KLHL5: variants seen among roughly 807,000 people sequenced by gnomAD.
KLHL5 encodes the protein kelch-like protein 5.
In KLHL5, 48 loss-of-function variants were observed where a neutral mutation model predicts 77.7. The observed-to-expected ratio is 0.62, with a 90% CI of 0.49 to 0.79. KLHL5 has a LOEUF of 0.79. Ranked by LOEUF, KLHL5 falls within the 30% of genes least tolerant of loss-of-function variation. The pLI is 0.00. For missense variants in KLHL5, 723 were observed against 859.7 expected (o/e 0.84, Z 1.99); for synonymous variants, 260 against 297.0 (o/e 0.88, Z 1.28).
At chr4:39,111,885 G>T (rs1422917549) in intron 8 of KLHL5, among the ~76,000 whole-genome samples, 2 of 152,104 alleles carry the variant, frequency 1.3e-5, no homozygotes, top group Non-Finnish European at 2.9e-5. Context: ...TAGGAAATCT[G>T]TGGTTAAGTA....
intron 1 of KLHL5, among the ~76,000 whole-genome samples, chr4:39,068,437 C>CTG (rs71192818): frequency 0.01 from 1,517 of 147,710 alleles, 10 homozygotes; most frequent in African/African-American, 0.016. Flanking sequence ...CCAGAAAACA[C>CTG]TGTGTGTGTG....
At chr4:39,115,128 TGTC>T in intron 9 of KLHL5, 28 bp from the exon 10 acceptor site, 1 of 1,582,716 alleles carries the variant, frequency 6.3e-7, no homozygotes, top group Non-Finnish European at 8.6e-7. Flanking sequence ...TTAAGAATAA[TGTC>T]AGCTCCGGTT....
At chr4:39,059,307 A>G (rs1022932963), upstream of KLHL5, among the ~76,000 whole-genome samples, 6 of 152,298 alleles carry the variant, frequency 3.9e-5, no homozygotes, top group Non-Finnish European at 1.5e-5. Flanking sequence ...TAATAGAAAA[A>G]AAAAGGGGCC....
At chr4:39,051,615 A>G (rs1237766498) in intron 1 of KLHL5, among the ~76,000 whole-genome samples, 1 of 152,214 alleles carries the variant, frequency 6.6e-6, no homozygotes, top group Non-Finnish European at 1.5e-5. Context: ...TGATTTTCAC[A>G]GCAGTCCACG....
chr4:39,074,387 T>G (rs1397844852), intron 1 of KLHL5, among the ~76,000 whole-genome samples: 1 of 152,208 alleles, frequency 6.6e-6, no homozygotes, highest in African/African-American at 2.4e-5. Context: ...GAGTTATCTT[T>G]TATGTATTTT....
At chr4:39,060,216 A>G (rs1577639205), upstream of KLHL5, among the ~76,000 whole-genome samples, 1 of 152,210 alleles carries the variant, frequency 6.6e-6, no homozygotes, top group African/African-American at 2.4e-5. Context: ...ACAATAGCAA[A>G]TCTCTTATAT....
chr4:39,121,158 C>A lies in KLHL5; in HGVS notation c.*92C>A. ...AATGGATACATTTTTAGTAAATGTG[C>A]ATTGTCACAATCCTGGGCACAAAGT... is the stretch of plus-strand genomic sequence containing the variant. On this transcript the variant is annotated 3_prime_UTR_variant, in exon 11 of 11. Coordinates refer to ENST00000504108, the MANE Select transcript of KLHL5 (RefSeq NM_015990.5). 2.0e-6 allele frequency: 2 copies of A among 996,166 alleles called. No individual in the cohort carries two copies. Among genetic ancestry groups the A allele is most frequent in the Non-Finnish European group, 3.1e-6 (2 of 636,160 alleles). 61.7% of individuals were successfully genotyped at this position (996,166 alleles called of 1,614,324 possible).
intron 1 of KLHL5, among the ~76,000 whole-genome samples, chr4:39,074,239 G>A (rs1295573334): frequency 1.3e-5 from 2 of 152,036 alleles, no homozygotes; most frequent in African/African-American, 4.8e-5. Flanking sequence ...TCCTCCAAGG[G>A]CATTTATCTG....
At chr4:39,076,284 G>A (rs2252519) in intron 2 of KLHL5, 137 bp downstream of exon 2, 527,067 of 699,414 alleles carry the variant, frequency 0.75, 199,107 homozygotes, top group East Asian at 0.82. Flanking sequence ...TCAAGAAAAC[G>A]GTGCATATGA....
At chr4:39,105,943 T>C (rs1173590160) in intron 7 of KLHL5, among the ~76,000 whole-genome samples, 1 of 152,094 alleles carries the variant, frequency 6.6e-6, no homozygotes, top group Non-Finnish European at 1.5e-5. Flanking sequence ...CCAAGTGACA[T>C]ATTTTATCTC....
chr4:39,081,343 C>T lies in KLHL5; in HGVS notation c.703+104C>T. On this transcript the variant is annotated intron_variant, in intron 3 of 10. Transcript: ENST00000504108. The surrounding 1 kb of genome is among the most constrained non-coding windows in gnomAD (Gnocchi z 4.3). ...AGCATGCCATAGCTAACAGTTAGTT[C>T]TGCTATTGTCATTACTACCCTTTGT... The T allele has an allele frequency of 2.2e-6, 2 of 927,824 alleles. No homozygotes were observed. The highest frequency in any genetic ancestry group is 2.2e-5 in the South Asian group (1 of 45,162). The allele number at this position is 927,824 out of a possible 1,614,324, so 57.5% of individuals were successfully genotyped here.
intron 1 of KLHL5, among the ~76,000 whole-genome samples, chr4:39,050,404 C>CAG (rs1238187358): frequency 6.6e-6 from 1 of 152,166 alleles, no homozygotes; most frequent in Admixed American, 6.5e-5. Flanking sequence ...GCAACTGGCA[C>CAG]CAATAACAGA....
At chr4:39,139,918 A>G in the KLHL5 span, among the ~76,000 whole-genome samples, 2 of 152,144 alleles carry the variant, frequency 1.3e-5, no homozygotes, top group East Asian at 1.9e-4. Context: ...GAGTAACTGT[A>G]CTAGATCAAA....
chr4:39,079,717 G>A (rs993219696), intron 2 of KLHL5, among the ~76,000 whole-genome samples: 4 of 151,958 alleles, frequency 2.6e-5, no homozygotes, highest in African/African-American at 9.7e-5. Flanking sequence ...CCCTCTAAAT[G>A]TAAGACTCCA....
rs752623684 is a variant in KLHL5, at chr4:39,123,568, G to T, written c.*2502G>T. Among the ~76,000 whole-genome samples, 1 of 152,060 alleles carries T rather than the reference G, an allele frequency of 6.6e-6. No individual in the cohort carries two copies. The highest frequency in any genetic ancestry group is 1.5e-5 in the Non-Finnish European group (1 of 68,002). ...ATGGTTCTACATACAAATGTCAATCGATGTAATAATATACCATATTAATAG... is the reference window on the plus strand; with the variant it reads ...ATGGTTCTACATACAAATGTCAATCTATGTAATAATATACCATATTAATAG... On this transcript the variant is annotated 3_prime_UTR_variant, in exon 11 of 11. Transcript: ENST00000504108.
chr4:39,084,690 G>A (rs181310567), intron 4 of KLHL5, among the ~76,000 whole-genome samples: 14 of 152,200 alleles, frequency 9.2e-5, no homozygotes, highest in East Asian at 1.9e-4. Context: ...GCATATTTAC[G>A]TGATAGTCCT....
chr4:39,112,131 C>A (rs1340117265), intron 8 of KLHL5, among the ~76,000 whole-genome samples: 1 of 152,000 alleles, frequency 6.6e-6, no homozygotes, highest in Non-Finnish European at 1.5e-5. Flanking sequence ...AAGATTTTTG[C>A]TTAACAAGAA....
Position 39,123,820 on chromosome 4 carries a change from C to T in KLHL5, c.*2754C>T, listed in dbSNP as rs1248331706. Among the ~76,000 whole-genome samples the T allele has an allele frequency of 2.0e-5, 3 of 151,988 alleles. No homozygotes were observed. Among genetic ancestry groups the T allele is most frequent in the Non-Finnish European group, 2.9e-5 (2 of 67,992 alleles). On this transcript the variant is annotated 3_prime_UTR_variant, in exon 11 of 11. Coordinates refer to ENST00000504108, the MANE Select transcript of KLHL5 (RefSeq NM_015990.5). ...AATTCCTGATTTCCCCACTGCTATT[C>T]AACATTATACTAGAAGGTCTAGCCA...
At chr4:39,102,526 G>A (rs1468768217) in intron 6 of KLHL5, among the ~76,000 whole-genome samples, 1 of 150,722 alleles carries the variant, frequency 6.6e-6, no homozygotes, top group African/African-American at 2.4e-5. Context: ...CCCTCCTCCC[G>A]TGAAAGACAG....
Sources: gnomAD v4.1 joint callset for allele counts (sites outside exome capture counted in the v4.1 genomes callset) on GRCh38, gnomAD v4.1.1 for gene constraint, Gnocchi (gnomAD v3.1) non-coding constraint, MANE v1.5 for transcripts, NCBI Gene and HGNC (gene_info 2026-07-23, HGNC 2026-07-21) for gene names.